SNX9: variants seen among roughly 807,000 people sequenced by gnomAD.
The protein encoded by SNX9 is sorting nexin-9.
In SNX9, 44 loss-of-function variants were observed where a neutral mutation model predicts 89.4. The ratio of observed to expected loss-of-function variants is 0.49; its 90% CI spans 0.39 to 0.63. The LOEUF is 0.63. Among genes scored for constraint, SNX9 ranks in the 30% least tolerant of loss-of-function variants. The pLI, the probability that SNX9 is intolerant of heterozygous loss-of-function variation, is 0.00. For synonymous variants in SNX9, 236 were observed against 247.8 expected (o/e 0.95, Z 0.45); for missense variants, 578 against 736.1 (o/e 0.79, Z 2.49).
intron 1 of SNX9, among the ~76,000 whole-genome samples, chr6:157,846,891 A>C (rs1203246784): frequency 6.6e-6 from 1 of 152,154 alleles, no homozygotes; most frequent in Non-Finnish European, 1.5e-5. Flanking sequence ...AACTAAAAAT[A>C]CAAAAATTTG....
chr6:157,831,615 C>T (rs913621232), intron 1 of SNX9, among the ~76,000 whole-genome samples: 3 of 152,208 alleles, frequency 2.0e-5, no homozygotes, highest in African/African-American at 7.2e-5. Context: ...GCCAGGCTCC[C>T]AGGTTTGTGG....
chr6:157,852,059 T>C (rs1356109972), intron 1 of SNX9, among the ~76,000 whole-genome samples: 1 of 152,342 alleles, frequency 6.6e-6, no homozygotes, highest in East Asian at 1.9e-4. Context: ...CTTTTGGCTA[T>C]TGTGAATGGT....
At chr6:157,875,249 T>C (rs1400290137) in intron 4 of SNX9, 73 bp downstream of exon 4, 2 of 1,529,156 alleles carry the variant, frequency 1.3e-6, no homozygotes, top group Admixed American at 2.0e-5. Flanking sequence ...AGGCTTGTGA[T>C]GCATTATAGC....
chr6:157,875,648 A>T (rs985018999), intron 4 of SNX9, among the ~76,000 whole-genome samples: 2 of 152,236 alleles, frequency 1.3e-5, no homozygotes, highest in Non-Finnish European at 2.9e-5. Context: ...TACCAGATCC[A>T]GGCACTCAGC....
At chr6:157,828,936 C>T (rs1415626463) in intron 1 of SNX9, among the ~76,000 whole-genome samples, 1 of 152,104 alleles carries the variant, frequency 6.6e-6, no homozygotes, top group Non-Finnish European at 1.5e-5. Context: ...CCTCAAGAAG[C>T]TGAGACTGTT....
chr6:157,824,845 CT>C (rs200068634), intron 1 of SNX9, among the ~76,000 whole-genome samples: 407 of 152,286 alleles, frequency 2.7e-3, no homozygotes, highest in African/African-American at 9.4e-3. Context: ...AAAAATAAAA[CT>C]TAGGCCAAGG....
At chr6:157,828,482 A>C (rs1489106731) in intron 1 of SNX9, among the ~76,000 whole-genome samples, 2 of 151,876 alleles carry the variant, frequency 1.3e-5, no homozygotes, top group Admixed American at 1.3e-4. Context: ...TTAAGTTTTT[A>C]TGATTATGAT....
At chr6:157,925,572 G>A (rs903391654) in intron 10 of SNX9, among the ~76,000 whole-genome samples, 7 of 152,004 alleles carry the variant, frequency 4.6e-5, no homozygotes, top group Non-Finnish European at 1.0e-4. Flanking sequence ...ACCAGTAGTA[G>A]AATAGATAAA....
chr6:157,869,585 G>A (rs1273128434), intron 2 of SNX9, among the ~76,000 whole-genome samples: 1 of 152,104 alleles, frequency 6.6e-6, no homozygotes, highest in Non-Finnish European at 1.5e-5. Context: ...TGCGCTTCCT[G>A]CCAGCGCCCT....
intron 3 of SNX9, 137 bp from the exon 4 acceptor site, chr6:157,874,914 C>A: frequency 2.3e-6 from 2 of 860,192 alleles, no homozygotes; most frequent in Non-Finnish European, 3.4e-6. Context: ...TATGAGTATG[C>A]GGCAAAAGCA....
chr6:157,830,374 T>TTTCTACTGGC (rs1253271805), intron 1 of SNX9: 2 of 152,236 alleles, frequency 1.3e-5, no homozygotes, highest in Non-Finnish European at 2.9e-5. Flanking sequence ...CTTCCTTTGT[T>TTTCTACTGGC]TTCTACTGGC....
chr6:157,844,587 G>GTTTTTTTGTTTTTTTTTTTTTTTTTTTTT (rs1554291784), intron 1 of SNX9, among the ~76,000 whole-genome samples: 4 of 130,294 alleles, frequency 3.1e-5, no homozygotes, highest in South Asian at 2.5e-4. Context: ...GCTAATCCTT[G>GTTTTTTTGTTTTTTTTTTTTTTTTTTTTT]TTTTTTTTTT....
intron 1 of SNX9, among the ~76,000 whole-genome samples, chr6:157,834,598 T>C (rs1448486320): frequency 1.3e-5 from 2 of 151,956 alleles, no homozygotes; most frequent in African/African-American, 4.8e-5. Flanking sequence ...CAAACGATCC[T>C]CCTGTGTCAG....
intron 4 of SNX9, among the ~76,000 whole-genome samples, chr6:157,894,362 G>C (rs143080780): frequency 6.7e-6 from 1 of 149,578 alleles, no homozygotes; most frequent in Non-Finnish European, 1.5e-5. Flanking sequence ...CTCCCGCCTC[G>C]GCCTCCGAAA....
At chr6:157,925,901 G>A (rs1417176216) in intron 10 of SNX9, among the ~76,000 whole-genome samples, 2 of 150,868 alleles carry the variant, frequency 1.3e-5, no homozygotes, top group Non-Finnish European at 2.9e-5. Flanking sequence ...GAAGATCAAG[G>A]CACCAGCATT....
At chr6:157,896,123 T>G (rs1326075349) in intron 4 of SNX9, among the ~76,000 whole-genome samples, 1 of 152,204 alleles carries the variant, frequency 6.6e-6, no homozygotes, top group African/African-American at 2.4e-5. Context: ...CTGCCCAGAT[T>G]CATGAATCTC....
chr6:157,869,419 T>C (rs1364452017), intron 2 of SNX9, among the ~76,000 whole-genome samples: 1 of 152,210 alleles, frequency 6.6e-6, no homozygotes, highest in Non-Finnish European at 1.5e-5. Context: ...TCATCACCCA[T>C]GTGATGCTCA....
At chr6:157,919,549 G>A (rs1341350777) in intron 9 of SNX9, among the ~76,000 whole-genome samples, 1 of 152,022 alleles carries the variant, frequency 6.6e-6, no homozygotes, top group African/African-American at 2.4e-5. Context: ...GAATTTCCAT[G>A]TGATTCTTTT....
At chr6:157,843,050 G>A (rs117101496) in intron 1 of SNX9, among the ~76,000 whole-genome samples, 1,800 of 152,284 alleles carry the variant, frequency 0.012, 23 homozygotes, top group Admixed American at 0.017. Flanking sequence ...TTACAAGCAA[G>A]ATAGAGTTGG....
Sources: allele counts gnomAD v4.1 joint callset (sites outside exome capture counted in the v4.1 genomes callset), GRCh38; gene constraint gnomAD v4.1.1; transcripts MANE v1.5; gene names NCBI Gene and HGNC (gene_info 2026-07-23, HGNC 2026-07-21).